The following TNFSF4 variants were observed in gnomAD, a reference collection of about 807,000 sequenced individuals.
The protein encoded by TNFSF4 is TNF superfamily member 4.
TNFSF4 carries 4 observed loss-of-function variants against 7.3 expected under a neutral mutation model. The ratio of observed to expected loss-of-function variants is 0.55; its 90% CI spans 0.27 to 1.25. The LOEUF (loss-of-function observed/expected upper bound fraction) is 1.25, where lower values mean the gene tolerates loss of function less well. Among genes scored for constraint, TNFSF4 ranks in the 50% most tolerant of loss-of-function variants. The pLI, the probability that TNFSF4 is intolerant of heterozygous loss-of-function variation, is 0.12. For missense variants in TNFSF4, 181 were observed against 208.8 expected (o/e 0.87, Z 0.82); for synonymous variants, 76 against 83.7 (o/e 0.91, Z 0.50).
downstream of TNFSF4, among the ~76,000 whole-genome samples, chr1:173,183,525 G>T (rs1649097399): frequency 6.6e-6 from 1 of 152,090 alleles, no homozygotes; most frequent in Non-Finnish European, 1.5e-5. Context: ...CCATGAAGAG[G>T]GACTCTAAGG....
the TNFSF4 span, among the ~76,000 whole-genome samples, chr1:173,316,632 T>C: frequency 1.4e-4 from 21 of 152,074 alleles, no homozygotes; most frequent in Non-Finnish European, 2.8e-4. Context: ...TGAAAGGCCA[T>C]TTTCCCCCAA....
the TNFSF4 span, among the ~76,000 whole-genome samples, chr1:173,380,773 C>T: frequency 6.6e-6 from 1 of 152,118 alleles, no homozygotes; most frequent in Non-Finnish European, 1.5e-5. Flanking sequence ...TTTCCAGCCA[C>T]CCACCGGAGC....
the TNFSF4 span, among the ~76,000 whole-genome samples, chr1:173,380,813 GAAAAGA>G: frequency 4.6e-5 from 7 of 152,106 alleles, no homozygotes; most frequent in Non-Finnish European, 1.0e-4. Context: ...GGAATATGGG[GAAAAGA>G]AAACAACAAA....
chr1:173,383,098 T>C, the TNFSF4 span, among the ~76,000 whole-genome samples: 1 of 152,162 alleles, frequency 6.6e-6, no homozygotes, highest in African/African-American at 2.4e-5. Flanking sequence ...ATCTTGTCAT[T>C]CCAAGTATTA....
At chr1:173,430,415 C>T in the TNFSF4 span, among the ~76,000 whole-genome samples, 1 of 152,154 alleles carries the variant, frequency 6.6e-6, no homozygotes, top group Non-Finnish European at 1.5e-5. Flanking sequence ...AACCTGTTGG[C>T]ATAGTTAGTT....
At chr1:173,213,899 A>AT in the TNFSF4 span, among the ~76,000 whole-genome samples, 1 of 152,128 alleles carries the variant, frequency 6.6e-6, no homozygotes, top group Non-Finnish European at 1.5e-5. Context: ...ATTTAGAGAC[A>AT]TTTTTGTTTA....
At chr1:173,313,140 G>C in the TNFSF4 span, among the ~76,000 whole-genome samples, 1 of 152,144 alleles carries the variant, frequency 6.6e-6, no homozygotes, top group African/African-American at 2.4e-5. Context: ...TCAGGATTCG[G>C]GGAGGAGGAG....
At chr1:173,427,628 G>A in the TNFSF4 span, among the ~76,000 whole-genome samples, 20 of 152,292 alleles carry the variant, frequency 1.3e-4, 1 homozygote, top group South Asian at 3.5e-3. Context: ...TAAGTCTCTA[G>A]AGTCAACTAT....
At chr1:173,176,124 G>T in the TNFSF4 span, among the ~76,000 whole-genome samples, 1 of 152,100 alleles carries the variant, frequency 6.6e-6, no homozygotes, top group Non-Finnish European at 1.5e-5. Context: ...ATTAGTAGTG[G>T]TGTAATTGCT....
chr1:173,398,295 T>G, the TNFSF4 span, among the ~76,000 whole-genome samples: 3 of 151,998 alleles, frequency 2.0e-5, no homozygotes, highest in Admixed American at 6.6e-5. Flanking sequence ...GAGGACCTAG[T>G]GAGCAAAAAG....
chr1:173,231,174 A>G, the TNFSF4 span, among the ~76,000 whole-genome samples: 1 of 152,238 alleles, frequency 6.6e-6, no homozygotes, highest in South Asian at 2.1e-4. Flanking sequence ...ATCCCTGATG[A>G]ACATCGATGC....
chr1:173,208,022 C>T (rs535613645), upstream of TNFSF4, among the ~76,000 whole-genome samples: 2 of 152,124 alleles, frequency 1.3e-5, no homozygotes, highest in Non-Finnish European at 2.9e-5. Context: ...ACATTTTTCC[C>T]GTACATAATT....
At chr1:173,351,570 A>AT in the TNFSF4 span, 1 of 189,248 alleles carries the variant, frequency 5.3e-6, no homozygotes. Flanking sequence ...AAGCTTCAAA[A>AT]TTTTTTAATT....
At chr1:173,317,770 A>G in the TNFSF4 span, among the ~76,000 whole-genome samples, 2 of 152,224 alleles carry the variant, frequency 1.3e-5, no homozygotes, top group Non-Finnish European at 2.9e-5. Flanking sequence ...CAAAATTCCA[A>G]TTAAAGTATC....
At chr1:173,261,750 A>C in the TNFSF4 span, among the ~76,000 whole-genome samples, 2 of 152,170 alleles carry the variant, frequency 1.3e-5, no homozygotes, top group Non-Finnish European at 2.9e-5. Context: ...AAATTCCTGG[A>C]CACATATATC....
chr1:173,207,436 T>C (rs1283152786), upstream of TNFSF4: 1 of 322,948 alleles, frequency 3.1e-6, no homozygotes. Flanking sequence ...TTCTTTCTTT[T>C]TTTTTTTCCT....
the TNFSF4 span, among the ~76,000 whole-genome samples, chr1:173,363,922 A>G: frequency 1.3e-5 from 2 of 152,212 alleles, no homozygotes; most frequent in Non-Finnish European, 1.5e-5. Context: ...GTTGGGGACA[A>G]CCACATAACT....
Position 173,188,508 on chromosome 1 carries a change from T to G in TNFSF4, c.202+13A>C. ...CAAAAATATGAATCAATTAAACTTT[T>G]GACAATACTTACCGGTAAATTGTAC... On this transcript the variant is annotated intron_variant, in intron 2 of 2. Transcript: ENST00000281834. The G allele has an allele frequency of 6.3e-7, 1 of 1,598,242 alleles. No homozygotes were observed. The highest frequency in any genetic ancestry group is 8.6e-7 in the Non-Finnish European group (1 of 1,166,576).
chr1:173,250,611 C>T, the TNFSF4 span, among the ~76,000 whole-genome samples: 1 of 152,098 alleles, frequency 6.6e-6, no homozygotes, highest in African/African-American at 2.4e-5. Flanking sequence ...AGGCGACTGC[C>T]ACCACGCCCG....
Sources: gnomAD v4.1 joint callset for allele counts (sites outside exome capture counted in the v4.1 genomes callset) on GRCh38, gnomAD v4.1.1 for gene constraint, MANE v1.5 for transcripts, NCBI Gene and HGNC (gene_info 2026-07-23, HGNC 2026-07-21) for gene names.